The following UBXN8 variants were observed in gnomAD, a reference collection of about 807,000 sequenced individuals.
UBXN8 encodes the protein UBX domain-containing protein 8.
A neutral mutation model predicts 32.1 loss-of-function variants in UBXN8; 27 were observed. The ratio of observed to expected loss-of-function variants is 0.84; its 90% CI spans 0.62 to 1.16. The LOEUF is 1.16. Among genes scored for constraint, UBXN8 ranks in the 50% most tolerant of loss-of-function variants. The pLI is 0.00. For synonymous variants in UBXN8, 109 were observed against 111.8 expected, an observed-to-expected ratio of 0.98 and a Z score of 0.16; for missense variants, 306 against 311.4, an observed-to-expected ratio of 0.98 and a Z score of 0.13.
intron 7 of UBXN8, among the ~76,000 whole-genome samples, chr8:30,765,084 A>T (rs1444968701): frequency 5.9e-5 from 9 of 151,510 alleles, no homozygotes; most frequent in African/African-American, 1.9e-4. Context: ...AATATTTTTT[A>T]TTTTTTTAAA....
upstream of UBXN8, among the ~76,000 whole-genome samples, chr8:30,731,409 G>A (rs965848928): frequency 1.3e-5 from 2 of 152,090 alleles, no homozygotes; most frequent in Admixed American, 6.6e-5. Context: ...TGCTTGCCCC[G>A]GACTTGTACT....
upstream of UBXN8, chr8:30,732,396 G>A (rs946622130): frequency 3.9e-5 from 15 of 380,394 alleles, no homozygotes; most frequent in African/African-American, 3.2e-4. Flanking sequence ...TTTACTATCC[G>A]ACGGGGAGTG....
intron 4 of UBXN8, among the ~76,000 whole-genome samples, chr8:30,755,870 C>T (rs1180286600): frequency 6.6e-6 from 1 of 151,312 alleles, no homozygotes; most frequent in Non-Finnish European, 1.5e-5. Flanking sequence ...CTGATCTTTC[C>T]TCAAGTCAAG....
rs374547609 is a variant in UBXN8 at position 30,756,816 on chromosome 8, G to T, written c.457G>T (p.Ala153Ser). Residue 153 changes from alanine (A) to serine (S), a missense_variant, in exon 5 of 8, where the codon GCA (alanine) becomes TCA (serine). Coordinates refer to ENST00000265616, the MANE Select transcript of UBXN8 (RefSeq NM_005671.4). Reference protein sequence around the residue: ...TSFETSNREAAKSQNLPKPLT... With the variant: ...TSFETSNREASKSQNLPKPLT... The stretch of plus-strand genomic sequence containing the variant: ...TTTTGAAACATCAAACAGAGAAGCA[G>T]CAAAGAGCCAGAACTTGCCTAAACC... 1.9e-6 allele frequency: 3 copies of T among 1,614,022 alleles called. No individual in the cohort carries two copies. The South Asian group carries it at 3.3e-5, about 18-fold the overall frequency.
chr8:30,760,435 A>T (rs1213487050), intron 5 of UBXN8, among the ~76,000 whole-genome samples: 458 of 42,296 alleles, frequency 0.011, no homozygotes, highest in African/African-American at 0.043. Context: ...ATATATATAT[A>T]TATATATATT....
At chr8:30,752,371 G>A (rs73228612) in intron 2 of UBXN8, among the ~76,000 whole-genome samples, 30,078 of 151,794 alleles carry the variant, frequency 0.2, 3,160 homozygotes, top group South Asian at 0.3. Flanking sequence ...ATGCAGTGGC[G>A]TGCTTGGCTC....
In UBXN8 at chr8:30,759,510, C is replaced by T. The variant is rs1805767466; in HGVS notation, c.529-1378C>T. Among the ~76,000 whole-genome samples the T allele has an allele frequency of 5.9e-5, 9 of 151,970 alleles. No homozygotes were observed. In the South Asian group the frequency reaches 1.7e-3, roughly 28 times the overall value. ...TCAGCCCCCGAAAGTTCTGGGATTACAGGCGTGAGACACCACACCCAGCCC... is the reference window on the plus strand; with the variant it reads ...TCAGCCCCCGAAAGTTCTGGGATTATAGGCGTGAGACACCACACCCAGCCC... On this transcript the variant is annotated intron_variant, in intron 5 of 7. Transcript: ENST00000265616.
intron 1 of UBXN8, among the ~76,000 whole-genome samples, chr8:30,747,273 G>A (rs1230721638): frequency 7.3e-6 from 1 of 136,894 alleles, no homozygotes; most frequent in Non-Finnish European, 1.6e-5. Context: ...ACGAACAGCA[G>A]TAGTATGGAA....
At chr8:30,761,157 C>A (rs915404245) in intron 6 of UBXN8, among the ~76,000 whole-genome samples, 2 of 152,044 alleles carry the variant, frequency 1.3e-5, no homozygotes, top group African/African-American at 4.8e-5. Context: ...GCCTCAGCCT[C>A]CTGGGTAGCT....
intron 1 of UBXN8, among the ~76,000 whole-genome samples, chr8:30,737,035 C>A (rs1805081457): frequency 6.6e-6 from 1 of 152,070 alleles, no homozygotes; most frequent in South Asian, 2.1e-4. Flanking sequence ...AATAAATATT[C>A]ATATAAGGGA....
At chr8:30,731,743 C>T (rs1804962587), upstream of UBXN8, among the ~76,000 whole-genome samples, 1 of 152,166 alleles carries the variant, frequency 6.6e-6, no homozygotes, top group Admixed American at 6.5e-5. Context: ...GCCCGGGGCC[C>T]AGCCGGTTAG....
chr8:30,743,005 G>A (rs1805245811), upstream of UBXN8, among the ~76,000 whole-genome samples: 2 of 151,988 alleles, frequency 1.3e-5, no homozygotes, highest in Admixed American at 1.3e-4. Context: ...ACCAAACTGT[G>A]GAGCTCAATA....
chr8:30,763,238 G>A, intron 6 of UBXN8, 35 bp from the exon 7 acceptor site: 2 of 1,600,120 alleles, frequency 1.2e-6, no homozygotes, highest in South Asian at 1.1e-5. Context: ...AAAGAGCAAT[G>A]GATCGGAGTT....
intron 6 of UBXN8, among the ~76,000 whole-genome samples, chr8:30,762,595 G>C (rs1227088622): frequency 6.6e-6 from 1 of 152,012 alleles, no homozygotes; most frequent in African/African-American, 2.4e-5. Context: ...GTTTCACCGT[G>C]TTGGCCAGGC....
In UBXN8 at chr8:30,754,676, C is replaced by A. The variant is rs755483731; in HGVS notation, c.294C>A (p.Tyr98Ter). Reference sequence around the variant, plus strand: ...GTTGTTTTCAACAGGCCAGCAGATACATAGAGAATGTTTTAAAACCTCACC... The same window carrying A: ...GTTGTTTTCAACAGGCCAGCAGATAAATAGAGAATGTTTTAAAACCTCACC... ...QEAQGEKASR[Y>*]IENVLKPHQE... Residue 98 changes from tyrosine (Y) to a stop codon, truncating the protein, a stop_gained, in exon 4 of 8, where the codon TAC becomes TAA. Coordinates refer to ENST00000265616, the MANE Select transcript of UBXN8 (RefSeq NM_005671.4). LOFTEE classifies it high-confidence loss of function. The A allele has an allele frequency of 6.4e-7, 1 of 1,551,946 alleles. No individual in the cohort carries two copies. Among genetic ancestry groups the A allele is most frequent in the Non-Finnish European group, 8.6e-7 (1 of 1,161,052 alleles).
chr8:30,760,284 C>T (rs1186894827), intron 5 of UBXN8, among the ~76,000 whole-genome samples: 1 of 150,224 alleles, frequency 6.7e-6, no homozygotes, highest in Non-Finnish European at 1.5e-5. Flanking sequence ...TGATCATGAA[C>T]TCTTGACCTC....
intron 6 of UBXN8, among the ~76,000 whole-genome samples, chr8:30,761,572 G>T (rs985211560): frequency 1.3e-5 from 2 of 152,116 alleles, no homozygotes; most frequent in Non-Finnish European, 1.5e-5. Context: ...AGAACTTTAG[G>T]TCAGAAAATG....
upstream of UBXN8, among the ~76,000 whole-genome samples, chr8:30,740,027 G>T (rs879488808): frequency 6.6e-6 from 1 of 152,114 alleles, no homozygotes; most frequent in African/African-American, 2.4e-5. Context: ...TCAGCCTCTG[G>T]AGTAGCTGTG....
chr8:30,760,436 TATA>T (rs1805800630), intron 5 of UBXN8, among the ~76,000 whole-genome samples: 1 of 45,298 alleles, frequency 2.2e-5, no homozygotes, highest in African/African-American at 9.4e-5. Context: ...TATATATATA[TATA>T]TATATTTTTT....
Sources: gnomAD v4.1 joint callset for allele counts (sites outside exome capture counted in the v4.1 genomes callset) on GRCh38, gnomAD v4.1.1 for gene constraint, MANE v1.5 for transcripts, NCBI Gene and HGNC (gene_info 2026-07-23, HGNC 2026-07-21) for gene names.